The following CALD1 variants were observed in gnomAD, a reference collection of about 807,000 sequenced individuals.
CALD1 encodes caldesmon 1.
Under a neutral mutation model 99.9 loss-of-function variants are expected in CALD1, and 33 were observed. The observed-to-expected ratio is 0.33, with a 90% CI of 0.25 to 0.44. CALD1 has a LOEUF of 0.44. Ranked by LOEUF, CALD1 falls within the 20% of genes least tolerant of loss-of-function variation. The pLI, the probability that CALD1 is intolerant of heterozygous loss-of-function variation, is 1.00. For missense variants in CALD1, 861 were observed against 962.1 expected, an observed-to-expected ratio of 0.89 and a Z score of 1.39; for synonymous variants, 310 against 325.0, an observed-to-expected ratio of 0.95 and a Z score of 0.50.
chr7:134,936,493 A>C (rs907820788), intron 6 of CALD1, among the ~76,000 whole-genome samples: 10 of 152,260 alleles, frequency 6.6e-5, no homozygotes, highest in African/African-American at 2.2e-4. Context: ...ATAAGTTCAC[A>C]ATACTTATTA....
At chr7:134,903,963 C>G (rs1362406630) in intron 3 of CALD1, among the ~76,000 whole-genome samples, 1 of 152,102 alleles carries the variant, frequency 6.6e-6, no homozygotes, top group African/African-American at 2.4e-5. Context: ...GGCCTCACAC[C>G]TGTAATCCTA....
chr7:134,789,031 T>TAAAAAAAAAAAAAAAAA (rs35315682), intron 1 of CALD1, among the ~76,000 whole-genome samples: 3 of 116,818 alleles, frequency 2.6e-5, no homozygotes, highest in Non-Finnish European at 5.1e-5. Context: ...AAACAAAAAG[T>TAAAAAAAAAAAAAAAAA]AAAAAAAAAA....
chr7:134,771,323 T>G (rs1796876321), intron 1 of CALD1, among the ~76,000 whole-genome samples: 1 of 152,206 alleles, frequency 6.6e-6, no homozygotes, highest in African/African-American at 2.4e-5. Context: ...ATGTCTAATA[T>G]GATTTCCACC....
chr7:134,920,597 G>A, intron 3 of CALD1: 1 of 1,288,978 alleles, frequency 7.8e-7, no homozygotes, highest in Non-Finnish European at 1.0e-6. Flanking sequence ...TCAGTTACCA[G>A]CCTGAAATCT....
chr7:134,916,457 G>T (rs1458086613), intron 3 of CALD1, among the ~76,000 whole-genome samples: 1 of 152,132 alleles, frequency 6.6e-6, no homozygotes, highest in Non-Finnish European at 1.5e-5. Flanking sequence ...AAGCTCCAGA[G>T]GGCACTTTTA....
At chr7:134,729,782 T>G in the CALD1 span, among the ~76,000 whole-genome samples, 1 of 152,072 alleles carries the variant, frequency 6.6e-6, no homozygotes, top group Non-Finnish European at 1.5e-5. Flanking sequence ...GAGCTTTGAG[T>G]GATGCTTAAG....
intron 1 of CALD1, among the ~76,000 whole-genome samples, chr7:134,832,147 T>G (rs1361951274): frequency 6.6e-6 from 1 of 152,222 alleles, no homozygotes; most frequent in African/African-American, 2.4e-5. Context: ...TCTTCCTTCT[T>G]CCAGCAGAGA....
At chr7:134,821,471 C>T (rs1216287923) in intron 1 of CALD1, among the ~76,000 whole-genome samples, 1 of 151,816 alleles carries the variant, frequency 6.6e-6, no homozygotes, top group Non-Finnish European at 1.5e-5. Context: ...TAGAGATATC[C>T]AGAATTTTGT....
chr7:134,925,616 C>T (rs1804947062), intron 3 of CALD1, among the ~76,000 whole-genome samples: 1 of 152,134 alleles, frequency 6.6e-6, no homozygotes, highest in South Asian at 2.1e-4. Context: ...GAAGGAGGAA[C>T]TTGCCAAACA....
At chr7:134,841,931 G>T (rs1327547206) in intron 1 of CALD1, among the ~76,000 whole-genome samples, 1 of 152,100 alleles carries the variant, frequency 6.6e-6, no homozygotes. Flanking sequence ...ATCTTTACAT[G>T]GGGGGGCTTC....
At chr7:134,865,258 T>C (rs1275845423) in intron 2 of CALD1, among the ~76,000 whole-genome samples, 5 of 152,018 alleles carry the variant, frequency 3.3e-5, no homozygotes, top group African/African-American at 9.7e-5. Flanking sequence ...CTCTGTGATA[T>C]AAGGGTGCAG....
upstream of CALD1, among the ~76,000 whole-genome samples, chr7:134,743,438 C>G (rs1393696937): frequency 6.6e-6 from 1 of 152,164 alleles, no homozygotes; most frequent in South Asian, 2.1e-4. Context: ...TTTTTCAGCT[C>G]TTCACAATCC....
At chr7:134,791,453 C>T (rs560611750) in intron 1 of CALD1, among the ~76,000 whole-genome samples, 1 of 152,284 alleles carries the variant, frequency 6.6e-6, no homozygotes, top group South Asian at 2.1e-4. Flanking sequence ...CCACTTTGGC[C>T]TCTCAAAGTG....
At chr7:134,775,015 A>G (rs911318469), upstream of CALD1, among the ~76,000 whole-genome samples, 4 of 133,004 alleles carry the variant, frequency 3.0e-5, no homozygotes, top group African/African-American at 1.2e-4. Context: ...TTTTTATGTT[A>G]TATACCCTAT....
chr7:134,805,292 A>AT (rs1798092845), intron 1 of CALD1, among the ~76,000 whole-genome samples: 1 of 152,102 alleles, frequency 6.6e-6, no homozygotes, highest in Non-Finnish European at 1.5e-5. Flanking sequence ...CAACTCTCTG[A>AT]TTTTGTATTT....
At chr7:134,761,553 T>G (rs1043454110) in intron 1 of CALD1, among the ~76,000 whole-genome samples, 2 of 152,254 alleles carry the variant, frequency 1.3e-5, no homozygotes, top group Non-Finnish European at 2.9e-5. Context: ...ATGTTCACAT[T>G]TCTTAATCTC....
At chr7:134,861,492 A>G (rs117012659) in intron 2 of CALD1, among the ~76,000 whole-genome samples, 1 of 152,208 alleles carries the variant, frequency 6.6e-6, no homozygotes, top group African/African-American at 2.4e-5. Context: ...AAAGCACTGA[A>G]TCTCAAGAAC....
In CALD1 at chr7:134,797,367, A is replaced by T. The variant is rs142314141; in HGVS notation, c.-130+17618A>T. On this transcript the variant is annotated intron_variant, in intron 1 of 14. Transcript: ENST00000361675. ...ACTCTTAGACTCTTGTTGCCCTCAG[A>T]TTTTCTAAAATTGTCTTTTATCAGC... is the stretch of plus-strand genomic sequence containing the variant. Among the ~76,000 whole-genome samples the T allele has an allele frequency of 3.4e-3, 518 of 152,298 alleles. 2 individuals are homozygous for T. Among genetic ancestry groups the T allele is most frequent in the Non-Finnish European group, 4.9e-3 (336 of 68,024 alleles).
At chr7:134,954,082 A>T (rs1208180270) in intron 9 of CALD1, among the ~76,000 whole-genome samples, 2 of 152,228 alleles carry the variant, frequency 1.3e-5, no homozygotes, top group African/African-American at 4.8e-5. Context: ...TTAGCATTGT[A>T]GAATACCAAT....
Sources: gnomAD v4.1 joint callset for allele counts (sites outside exome capture counted in the v4.1 genomes callset) on GRCh38, gnomAD v4.1.1 for gene constraint, MANE v1.5 for transcripts, NCBI Gene and HGNC (gene_info 2026-07-23, HGNC 2026-07-21) for gene names.